Variants in LMO7 observed in about 807,000 individuals in gnomAD.
LMO7 encodes LIM domain only protein 7.
In LMO7, 120 loss-of-function variants were observed where a neutral mutation model predicts 206.5. The observed-to-expected ratio is 0.58, with a 90% CI of 0.50 to 0.68. The LOEUF (loss-of-function observed/expected upper bound fraction) is 0.68, where lower values mean the gene tolerates loss of function less well. Among genes scored for constraint, LMO7 ranks in the 30% least tolerant of loss-of-function variants. LMO7 has a pLI of 0.00. For synonymous variants in LMO7, 706 were observed against 681.5 expected, an observed-to-expected ratio of 1.04 and a Z score of -0.56; for missense variants, 1,959 against 1,957.9, an observed-to-expected ratio of 1.00 and a Z score of -0.01.
intron 1 of LMO7, among the ~76,000 whole-genome samples, chr13:75,639,052 C>G (rs1048376653): frequency 3.5e-4 from 53 of 152,150 alleles, no homozygotes; most frequent in African/African-American, 1.2e-3. Context: ...ATATTCGCAA[C>G]TGCAGCTTTG....
chr13:75,648,107 T>C (rs1016314326), intron 1 of LMO7, among the ~76,000 whole-genome samples: 4 of 151,748 alleles, frequency 2.6e-5, no homozygotes, highest in African/African-American at 9.7e-5. Flanking sequence ...CACCACACTT[T>C]GTTAATTTTT....
At chr13:75,659,991 T>G (rs540418116) in intron 1 of LMO7, among the ~76,000 whole-genome samples, 1 of 152,172 alleles carries the variant, frequency 6.6e-6, no homozygotes, top group Non-Finnish European at 1.5e-5. Flanking sequence ...GGAGTACAGA[T>G]CAAAACTCCA....
In LMO7 at chr13:75,807,704, A is replaced by G; in HGVS notation, c.1421A>G (p.Asn474Ser). ...FVRKTGAFHA[N>S]PYVLRAFEDF... ...AGAAAGACTGGGGCTTTCCATGCAAATCCATATGTTCTCCGAGCTTTTGAA... is the reference window on the plus strand; with the variant it reads ...AGAAAGACTGGGGCTTTCCATGCAAGTCCATATGTTCTCCGAGCTTTTGAA... Residue 474 changes from asparagine to serine, a missense_variant, in exon 10 of 31, where the codon AAT (asparagine) becomes AGT (serine). Coordinates refer to ENST00000377534, the MANE Select transcript of LMO7 (RefSeq NM_001306080.2). The G allele has an allele frequency of 1.2e-6, 2 of 1,614,008 alleles. No individual in the cohort carries two copies. The highest frequency in any genetic ancestry group is 1.3e-5 in the African/African-American group (1 of 75,048).
chr13:75,706,504 C>T (rs2042665636), intron 1 of LMO7, among the ~76,000 whole-genome samples: 1 of 151,962 alleles, frequency 6.6e-6, no homozygotes, highest in African/African-American at 2.4e-5. Flanking sequence ...TGAAAATGCC[C>T]ACAGAACTGT....
At position 75,693,354 on chromosome 13, in the gene LMO7, C is replaced by G. The variant is rs373775736; in HGVS notation, c.70-19828C>G. On this transcript the variant is annotated intron_variant, in intron 1 of 30. Transcript: ENST00000377534. ...CACTGACATTTGTTCTATTATTAGCCTGTTTCTGGAATATGGGCTTCATTG... is the reference window on the plus strand; with the variant it reads ...CACTGACATTTGTTCTATTATTAGCGTGTTTCTGGAATATGGGCTTCATTG... 2.6e-4 allele frequency among the ~76,000 whole-genome samples: 39 copies of G among 152,254 alleles called. No homozygotes were observed. The South Asian group carries it at 8.1e-3, about 32-fold the overall frequency.
intron 2 of LMO7, among the ~76,000 whole-genome samples, chr13:75,626,403 C>T (rs1308298699): frequency 5.3e-5 from 8 of 150,512 alleles, no homozygotes; most frequent in African/African-American, 1.7e-4. Flanking sequence ...CATCAGATCT[C>T]GTGAGACTTA....
intron 2 of LMO7, among the ~76,000 whole-genome samples, chr13:75,723,821 A>G (rs2044235266): frequency 6.6e-6 from 1 of 152,152 alleles, no homozygotes; most frequent in African/African-American, 2.4e-5. Flanking sequence ...GGCTGCTGCT[A>G]TATCAAGATA....
intron 1 of LMO7, among the ~76,000 whole-genome samples, chr13:75,673,547 T>C (rs2039767198): frequency 6.6e-6 from 1 of 152,162 alleles, no homozygotes; most frequent in Admixed American, 6.5e-5. Flanking sequence ...AGCATGCAGA[T>C]AAAGGCCATT....
At chr13:75,785,132 G>C (rs2052206125) in intron 4 of LMO7, among the ~76,000 whole-genome samples, 1 of 152,188 alleles carries the variant, frequency 6.6e-6, no homozygotes, top group Admixed American at 6.5e-5. Context: ...GAAATTATTG[G>C]CAACAGGGTT....
intron 3 of LMO7, among the ~76,000 whole-genome samples, chr13:75,759,865 G>A (rs575249784): frequency 5.3e-5 from 8 of 152,110 alleles, no homozygotes; most frequent in Non-Finnish European, 7.4e-5. Context: ...TGTGAAAGTC[G>A]CCTCTTAGGG....
chr13:75,800,647 AT>A (rs1566486667), intron 6 of LMO7, 36 bp from the exon 7 acceptor site: 1 of 1,576,140 alleles, frequency 6.3e-7, no homozygotes, highest in Non-Finnish European at 8.7e-7. Context: ...TTGGAAGTTT[AT>A]TTAACTTACT....
intron 11 of LMO7, among the ~76,000 whole-genome samples, chr13:75,815,432 G>A (rs1008256601): frequency 2.6e-5 from 4 of 152,190 alleles, no homozygotes; most frequent in Non-Finnish European, 5.9e-5. Context: ...ACCCAATGTT[G>A]TGAAGGATAG....
chr13:75,677,819 T>A (rs2040147378), intron 1 of LMO7, among the ~76,000 whole-genome samples: 1 of 116,410 alleles, frequency 8.6e-6, no homozygotes, highest in Non-Finnish European at 1.7e-5. Context: ...CAGTCCCCGG[T>A]GTGTGATGTT....
chr13:75,803,135 C>G (rs563032655), intron 7 of LMO7, among the ~76,000 whole-genome samples: 1 of 152,198 alleles, frequency 6.6e-6, no homozygotes, highest in Admixed American at 6.5e-5. Flanking sequence ...TTATTGACTA[C>G]TACTCCTCAT....
chr13:75,644,139 GTT>G (rs113811916), intron 1 of LMO7, among the ~76,000 whole-genome samples: 3 of 148,092 alleles, frequency 2.0e-5, no homozygotes, highest in Non-Finnish European at 4.5e-5. Flanking sequence ...CTAGTGAAGT[GTT>G]TTTTTTTTAA....
At chr13:75,853,483 GA>G (rs2060657205) in intron 28 of LMO7, 95 bp downstream of exon 28, 10 of 1,179,946 alleles carry the variant, frequency 8.5e-6, no homozygotes, top group Non-Finnish European at 1.2e-5. Context: ...CAATGAAGAA[GA>G]AAAAGAAGCC....
At chr13:75,679,935 CATGTGCAGA>C (rs1384534829) in intron 1 of LMO7, among the ~76,000 whole-genome samples, 2 of 152,178 alleles carry the variant, frequency 1.3e-5, no homozygotes, top group Non-Finnish European at 2.9e-5. Flanking sequence ...TTCCAGGATA[CATGTGCAGA>C]ATGTGCAGGT....
chr13:75,790,184 G>C (rs1326053353), intron 4 of LMO7, among the ~76,000 whole-genome samples: 1 of 152,166 alleles, frequency 6.6e-6, no homozygotes, highest in Non-Finnish European at 1.5e-5. Flanking sequence ...GAAGAAAACT[G>C]TGTTGGGGGT....
chr13:75,680,197 C>T (rs1236027217), intron 1 of LMO7, among the ~76,000 whole-genome samples: 1 of 152,182 alleles, frequency 6.6e-6, no homozygotes, highest in African/African-American at 2.4e-5. Context: ...TGGCTTCCAG[C>T]TCTATCCATG....
Sources: allele counts gnomAD v4.1 joint callset (sites outside exome capture counted in the v4.1 genomes callset), GRCh38; gene constraint gnomAD v4.1.1; transcripts MANE v1.5; gene names NCBI Gene and HGNC (gene_info 2026-07-23, HGNC 2026-07-21).